Variants in IKZF2 observed in about 807,000 individuals in gnomAD.
IKZF2 encodes the protein IKAROS family zinc finger 2.
Under a neutral mutation model 49.2 loss-of-function variants are expected in IKZF2, and 15 were observed. That is an observed-to-expected ratio of 0.30 (90% CI 0.20 to 0.47). The LOEUF (loss-of-function observed/expected upper bound fraction) is 0.47, where lower values mean the gene tolerates loss of function less well. Among genes scored for constraint, IKZF2 ranks in the 20% least tolerant of loss-of-function variants. The probability of loss-of-function intolerance (pLI) is 1.00; values close to 1 mark genes in which losing one functional copy is unlikely to be tolerated. For missense variants in IKZF2, 567 were observed against 664.6 expected (o/e 0.85, Z 1.61); for synonymous variants, 227 against 221.4 (o/e 1.03, Z -0.23).
intron 6 of IKZF2, among the ~76,000 whole-genome samples, chr2:213,025,083 T>C (rs1426974877): frequency 6.6e-6 from 1 of 152,122 alleles, no homozygotes; most frequent in African/African-American, 2.4e-5. Context: ...ACTAAATCCA[T>C]AGGCTTTTAT....
intron 5 of IKZF2, 36 bp from the exon 6 acceptor site, chr2:213,049,916 G>A: frequency 2.1e-6 from 3 of 1,443,316 alleles, no homozygotes; most frequent in Admixed American, 4.3e-5. Flanking sequence ...GTATCAACTA[G>A]GGTATGTGCA....
Position 213,001,846 on chromosome 2 carries a change from A to C in IKZF2, c.*5514T>G, listed in dbSNP as rs528779647. On this transcript the variant is annotated 3_prime_UTR_variant, in exon 9 of 9. Coordinates refer to ENST00000434687, the MANE Select transcript of IKZF2 (RefSeq NM_001387220.1). ...AAATCAGAATGCTTGACTGTAAAAA[A>C]TTTTTAAATCACAGTTTCAGAATTT... 21 of 152,072 alleles carry C rather than the reference A, an allele frequency of 1.4e-4. No homozygotes were observed. The highest frequency in any genetic ancestry group is 2.6e-4 in the Admixed American group (4 of 15,208). The allele number at this position is 152,072 out of a possible 1,614,324, so 9.4% of individuals were successfully genotyped here. A position where few individuals can be genotyped will look rare whatever the true frequency, so the allele number is the denominator to read the frequency against.
chr2:213,132,319 CAA>C (rs754458392), intron 4 of IKZF2, among the ~76,000 whole-genome samples: 26 of 124,118 alleles, frequency 2.1e-4, no homozygotes, highest in Admixed American at 2.5e-4. Context: ...TAAAGGCATC[CAA>C]AAAAAAAAAA....
chr2:213,083,551 CTTTTTTTTTT>C (rs35297007), intron 4 of IKZF2, among the ~76,000 whole-genome samples: 4,876 of 94,216 alleles, frequency 0.052, 136 homozygotes, highest in South Asian at 0.11. Context: ...ACCAGGCTAA[CTTTTTTTTTT>C]TTTTTTTTTT....
intron 6 of IKZF2, among the ~76,000 whole-genome samples, chr2:213,048,534 C>T (rs1247150591): frequency 1.3e-5 from 2 of 151,954 alleles, no homozygotes; most frequent in East Asian, 1.9e-4. Context: ...CATAAGAAAA[C>T]ACTGCTTTAA....
intron 4 of IKZF2, among the ~76,000 whole-genome samples, chr2:213,136,847 C>T (rs970745567): frequency 1.3e-4 from 20 of 152,096 alleles, no homozygotes; most frequent in African/African-American, 2.4e-4. Context: ...CACATTCACA[C>T]GCATACACAT....
chr2:213,134,839 G>A (rs1378559177), intron 4 of IKZF2, among the ~76,000 whole-genome samples: 2 of 152,162 alleles, frequency 1.3e-5, no homozygotes, highest in Non-Finnish European at 2.9e-5. Flanking sequence ...AAAAAGGGGA[G>A]GAAAAGACGC....
intron 6 of IKZF2, among the ~76,000 whole-genome samples, chr2:213,038,826 G>A (rs1005613076): frequency 6.6e-6 from 1 of 152,176 alleles, no homozygotes; most frequent in Non-Finnish European, 1.5e-5. Context: ...AAGAAACGAT[G>A]TGATTGTGAT....
At chr2:213,011,836 T>C (rs935702976) in intron 8 of IKZF2, among the ~76,000 whole-genome samples, 1 of 151,860 alleles carries the variant, frequency 6.6e-6, no homozygotes. Flanking sequence ...GAGATATAAG[T>C]ATGGAAAGGA....
Position 213,022,144 on chromosome 2 carries a change from T to G in IKZF2, c.575-14A>C, listed in dbSNP as rs985440223. 1.3e-6 allele frequency: 2 copies of G among 1,591,966 alleles called. No homozygotes were observed. Among genetic ancestry groups the G allele is most frequent in the Admixed American group, 1.8e-5 (1 of 56,638 alleles). ...GAGGTTTACCCACTGTGAAGAGAAC[T>G]CAAGGTCAGTGTGCTGTTAGTCTCA... On this transcript the variant is annotated splice_polypyrimidine_tract_variant and intron_variant, in intron 6 of 8. Coordinates refer to ENST00000434687, the MANE Select transcript of IKZF2 (RefSeq NM_001387220.1).
intron 6 of IKZF2, among the ~76,000 whole-genome samples, chr2:213,030,296 G>T (rs1210869252): frequency 3.3e-5 from 5 of 151,482 alleles, no homozygotes; most frequent in African/African-American, 1.2e-4. Context: ...AAGTCTTAAT[G>T]ACTCTAGGTT....
At chr2:213,012,598 TAA>T (rs1696089566) in intron 8 of IKZF2, among the ~76,000 whole-genome samples, 1 of 152,002 alleles carries the variant, frequency 6.6e-6, no homozygotes, top group Non-Finnish European at 1.5e-5. Context: ...TCAACTGACA[TAA>T]TATAAACTAT....
rs184845955 is a variant in IKZF2 at position 213,142,349 on chromosome 2, A to G, written c.139+5359T>C. Among the ~76,000 whole-genome samples, 6 of 152,082 alleles carry G rather than the reference A, an allele frequency of 3.9e-5. No individual in the cohort carries two copies. In the South Asian group the frequency reaches 8.3e-4, roughly 21 times the overall value. ...TTACCCTAAATTATCAGAAATCCCT[A>G]TCTTTCTTCCCTGGACCTGTGCAAT... On this transcript the variant is annotated intron_variant, in intron 4 of 8. Coordinates refer to ENST00000434687, the MANE Select transcript of IKZF2 (RefSeq NM_001387220.1).
chr2:213,060,444 A>G (rs1045356453), intron 4 of IKZF2, among the ~76,000 whole-genome samples: 2 of 151,442 alleles, frequency 1.3e-5, no homozygotes, highest in African/African-American at 4.8e-5. Context: ...CAAATATTTG[A>G]AATTAGATTT....
chr2:213,059,267 C>A (rs1701459345), intron 4 of IKZF2, among the ~76,000 whole-genome samples: 1 of 151,512 alleles, frequency 6.6e-6, no homozygotes. Context: ...GAACTTAGCC[C>A]AGTGTTTATG....
intron 6 of IKZF2, among the ~76,000 whole-genome samples, chr2:213,046,318 G>A (rs1482579): frequency 0.53 from 80,411 of 151,970 alleles, 21,940 homozygotes; most frequent in East Asian, 0.76. Flanking sequence ...TATACTGTAT[G>A]AGCAAGTAGC....
chr2:213,110,810 TTTCAGTTTTTTGCTAA>T (rs1457083576), intron 4 of IKZF2, among the ~76,000 whole-genome samples: 1 of 151,970 alleles, frequency 6.6e-6, no homozygotes, highest in African/African-American at 2.4e-5. Flanking sequence ...GACACAAAAT[TTTCAGTTTTTTGCTAA>T]TATAATGAAT....
At chr2:213,099,684 A>G (rs1289376938) in intron 4 of IKZF2, among the ~76,000 whole-genome samples, 1 of 152,168 alleles carries the variant, frequency 6.6e-6, no homozygotes, top group Non-Finnish European at 1.5e-5. Flanking sequence ...CGTGAAGCAC[A>G]AGATGTGTAA....
intron 4 of IKZF2, among the ~76,000 whole-genome samples, chr2:213,126,719 G>A (rs1230839603): frequency 6.6e-6 from 1 of 152,062 alleles, no homozygotes; most frequent in African/African-American, 2.4e-5. Flanking sequence ...CAAAGAAAAA[G>A]AAATTTGATT....
Sources: gnomAD v4.1 joint callset for allele counts (sites outside exome capture counted in the v4.1 genomes callset) on GRCh38, gnomAD v4.1.1 for gene constraint, MANE v1.5 for transcripts, NCBI Gene and HGNC (gene_info 2026-07-23, HGNC 2026-07-21) for gene names.